JARID2: variants seen among roughly 807,000 people sequenced by gnomAD.
JARID2 encodes protein Jumonji.
JARID2 carries 21 observed loss-of-function variants against 125.6 expected under a neutral mutation model. The observed-to-expected ratio is 0.17, with a 90% CI of 0.12 to 0.24. The LOEUF is 0.24. Among genes scored for constraint, JARID2 ranks in the 10% least tolerant of loss-of-function variants. The probability of loss-of-function intolerance (pLI) is 1.00; values close to 1 mark genes in which losing one functional copy is unlikely to be tolerated. For missense variants in JARID2, 1,303 were observed against 1,639.6 expected (o/e 0.79, Z 3.55); for synonymous variants, 736 against 661.6 (o/e 1.11, Z -1.73).
In JARID2 at chr6:15,386,282, C is replaced by A. The variant is rs559850330; in HGVS notation, c.181+12030C>A. On this transcript the variant is annotated intron_variant, in intron 2 of 17. Transcript: ENST00000341776. Reference sequence around the variant, plus strand: ...TGTTCTTCTCCCCCTTCCTTTCCCCCTCTCTCTCCCTCTCTCTACTTCTGT... The same window carrying A: ...TGTTCTTCTCCCCCTTCCTTTCCCCATCTCTCTCCCTCTCTCTACTTCTGT... Among the ~76,000 whole-genome samples the A allele has an allele frequency of 3.9e-3, 589 of 150,034 alleles. 4 individuals carry two copies. The highest frequency in any genetic ancestry group is 0.024 in the Middle Eastern group (7 of 288).
intron 3 of JARID2, among the ~76,000 whole-genome samples, chr6:15,414,755 GGTGA>G (rs1427181302): frequency 6.6e-6 from 1 of 151,948 alleles, no homozygotes; most frequent in Non-Finnish European, 1.5e-5. Flanking sequence ...CATTGTGGTG[GGTGA>G]GATTGTTTTT....
intron 3 of JARID2, among the ~76,000 whole-genome samples, chr6:15,423,202 G>C (rs1008696369): frequency 1.3e-5 from 2 of 152,016 alleles, no homozygotes; most frequent in Non-Finnish European, 2.9e-5. Context: ...TTTTCACCAT[G>C]TTGCTCAGGC....
intron 1 of JARID2, among the ~76,000 whole-genome samples, chr6:15,302,207 G>A (rs969591574): frequency 6.6e-6 from 1 of 152,154 alleles, no homozygotes; most frequent in African/African-American, 2.4e-5. Context: ...CCTAAGGTCA[G>A]GAGTTCGAGA....
chr6:15,296,626 C>T (rs1370070385), intron 1 of JARID2, among the ~76,000 whole-genome samples: 1 of 152,162 alleles, frequency 6.6e-6, no homozygotes, highest in African/African-American at 2.4e-5. Flanking sequence ...TCACCAAATA[C>T]TTCAGTGTCT....
At chr6:15,378,989 A>C (rs1225819238) in intron 2 of JARID2, among the ~76,000 whole-genome samples, 1 of 152,280 alleles carries the variant, frequency 6.6e-6, no homozygotes, top group South Asian at 2.1e-4. Flanking sequence ...GCCTGGGAAC[A>C]GTGTGTGGAC....
intron 1 of JARID2, among the ~76,000 whole-genome samples, chr6:15,302,957 C>T (rs1209932430): frequency 6.6e-6 from 1 of 152,100 alleles, no homozygotes; most frequent in East Asian, 1.9e-4. Flanking sequence ...CTCCTGACCT[C>T]AGGTGATCCA....
intron 14 of JARID2, 91 bp downstream of exon 14, chr6:15,512,481 T>C: frequency 8.6e-7 from 1 of 1,158,390 alleles, no homozygotes. Flanking sequence ...TGCGTGTGCG[T>C]GTCTATTTGT....
At chr6:15,346,216 A>G (rs1254000371) in intron 1 of JARID2, among the ~76,000 whole-genome samples, 1 of 152,186 alleles carries the variant, frequency 6.6e-6, no homozygotes, top group Admixed American at 6.5e-5. Context: ...TTCCATTAAG[A>G]TATTCATTTA....
intron 1 of JARID2, among the ~76,000 whole-genome samples, chr6:15,312,379 C>A (rs368612920): frequency 1.3e-5 from 2 of 152,160 alleles, no homozygotes; most frequent in African/African-American, 4.8e-5. Context: ...AAAAACCAAT[C>A]TTATTGAAGT....
intron 14 of JARID2, 103 bp from the exon 15 acceptor site, chr6:15,512,812 A>G: frequency 8.6e-7 from 1 of 1,161,920 alleles, no homozygotes; most frequent in South Asian, 1.5e-5. Flanking sequence ...GCAATTCAAG[A>G]TTTAGAAATT....
At chr6:15,465,505 G>GAC (rs1561881267) in intron 4 of JARID2, among the ~76,000 whole-genome samples, 1 of 151,302 alleles carries the variant, frequency 6.6e-6, no homozygotes, top group Admixed American at 6.6e-5. Context: ...TGAACTGAGC[G>GAC]TCTAGATATT....
chr6:15,446,013 C>T (rs185025513), intron 3 of JARID2, among the ~76,000 whole-genome samples: 8 of 152,284 alleles, frequency 5.3e-5, no homozygotes, highest in East Asian at 1.9e-4. Flanking sequence ...TACCAAGGCT[C>T]CTCCTCTCCT....
intron 1 of JARID2, among the ~76,000 whole-genome samples, chr6:15,292,662 A>G (rs1381112679): frequency 6.6e-6 from 1 of 152,068 alleles, no homozygotes; most frequent in Non-Finnish European, 1.5e-5. Flanking sequence ...TTAAGTTGTA[A>G]TATTATGTAT....
intron 1 of JARID2, among the ~76,000 whole-genome samples, chr6:15,256,910 G>C (rs141696385): frequency 1.7e-3 from 259 of 152,322 alleles, no homozygotes; most frequent in African/African-American, 5.8e-3. Context: ...GTTTGGTGGA[G>C]TATTTCGAGT....
intron 4 of JARID2, among the ~76,000 whole-genome samples, chr6:15,453,408 T>G (rs942074607): frequency 6.6e-6 from 1 of 152,266 alleles, no homozygotes; most frequent in African/African-American, 2.4e-5. Flanking sequence ...GTTTGTGTTC[T>G]TGGCAGGAAT....
chr6:15,392,621 T>C (rs182351176), intron 2 of JARID2, among the ~76,000 whole-genome samples: 1 of 151,624 alleles, frequency 6.6e-6, no homozygotes, highest in Non-Finnish European at 1.5e-5. Flanking sequence ...TCCTATATAG[T>C]AGCCACTAGC....
intron 1 of JARID2, among the ~76,000 whole-genome samples, chr6:15,364,166 G>T (rs774947002): frequency 2.0e-5 from 3 of 150,768 alleles, no homozygotes; most frequent in Non-Finnish European, 4.4e-5. Flanking sequence ...GTCAGGCATT[G>T]ATTGATCTCA....
intron 3 of JARID2, among the ~76,000 whole-genome samples, chr6:15,434,116 C>T (rs7769123): frequency 0.031 from 4,701 of 151,608 alleles, 235 homozygotes; most frequent in African/African-American, 0.11. Flanking sequence ...AGTCTGTCTC[C>T]ACCCTTCACT....
chr6:15,387,960 C>T (rs183875787), intron 2 of JARID2, among the ~76,000 whole-genome samples: 109 of 152,156 alleles, frequency 7.2e-4, no homozygotes, highest in African/African-American at 2.4e-3. Context: ...TTATTCTTGA[C>T]GTGTAATAGA....
Sources: gnomAD v4.1 joint callset for allele counts (sites outside exome capture counted in the v4.1 genomes callset) on GRCh38, gnomAD v4.1.1 for gene constraint, MANE v1.5 for transcripts, NCBI Gene and HGNC (gene_info 2026-07-23, HGNC 2026-07-21) for gene names.